Variants in TRAPPC10 observed in about 807,000 individuals in gnomAD.
TRAPPC10 encodes the protein TRAPP 130 kDa subunit.
A neutral mutation model predicts 125.5 loss-of-function variants in TRAPPC10; 23 were observed. The observed-to-expected ratio is 0.18, with a 90% CI of 0.13 to 0.26. The LOEUF is 0.26. TRAPPC10 is among the 10% of genes least tolerant of loss of function. TRAPPC10 has a pLI of 1.00. For missense variants in TRAPPC10, 1,123 were observed against 1,308.4 expected, an observed-to-expected ratio of 0.86 and a Z score of 2.19; for synonymous variants, 509 against 518.0, an observed-to-expected ratio of 0.98 and a Z score of 0.24.
chr21:44,087,619 TG>T lies in TRAPPC10; in HGVS notation c.2540-77del. The T allele has an allele frequency of 7.6e-7, 1 of 1,315,494 alleles. No homozygotes were observed. The highest frequency in any genetic ancestry group is 1.1e-6 in the Non-Finnish European group (1 of 927,236). 81.5% of individuals were successfully genotyped at this position (1,315,494 alleles called of 1,614,324 possible). A position where few individuals can be genotyped will look rare whatever the true frequency, so the allele number is the denominator to read the frequency against. On this transcript the variant is annotated intron_variant, in intron 16 of 22. Transcript: ENST00000291574. The surrounding 1 kb of genome is among the most constrained non-coding windows in gnomAD (Gnocchi z 4.6). ...AGAGGTTGAGCAGTGGCCTCACTGCTGGGCCATCACCTGCTGTAAGGAAAAG... is the reference window on the plus strand; with the variant it reads ...AGAGGTTGAGCAGTGGCCTCACTGCTGGCCATCACCTGCTGTAAGGAAAAG...
At chr21:44,070,327 A>G (rs2036774783) in intron 7 of TRAPPC10, among the ~76,000 whole-genome samples, 1 of 152,276 alleles carries the variant, frequency 6.6e-6, no homozygotes, top group African/African-American at 2.4e-5. Context: ...ATATAAATTA[A>G]GAATTTGTTT....
chr21:44,066,267 C>G (rs1172584470), intron 7 of TRAPPC10, among the ~76,000 whole-genome samples: 1 of 152,172 alleles, frequency 6.6e-6, no homozygotes, highest in African/African-American at 2.4e-5. Flanking sequence ...GAAACTAGCC[C>G]TGCTCTGTAG....
intron 17 of TRAPPC10, 124 bp downstream of exon 17, chr21:44,088,052 A>T (rs2038270826): frequency 2.4e-6 from 2 of 832,266 alleles, no homozygotes; most frequent in African/African-American, 1.7e-5. Flanking sequence ...TGCCCTGGGC[A>T]TGTGTTTAGC....
At chr21:44,014,815 G>T (rs566606948) in intron 1 of TRAPPC10, among the ~76,000 whole-genome samples, 1 of 152,266 alleles carries the variant, frequency 6.6e-6, no homozygotes, top group African/African-American at 2.4e-5. Context: ...TCTCAGAAGA[G>T]AAGGGGGCTT....
At chr21:44,055,203 T>G (rs1301230584) in intron 4 of TRAPPC10, among the ~76,000 whole-genome samples, 5 of 152,192 alleles carry the variant, frequency 3.3e-5, no homozygotes, top group Non-Finnish European at 5.9e-5. Context: ...TTTGAATTTC[T>G]GTAGAACTTA....
At position 44,063,838 on chromosome 21, in the gene TRAPPC10, T is replaced by C. The variant is rs2036231741; in HGVS notation, c.1038+53T>C. 3 of 1,570,314 alleles carry C rather than the reference T, an allele frequency of 1.9e-6. No individual in the cohort carries two copies. The highest frequency in any genetic ancestry group is 2.6e-6 in the Non-Finnish European group (3 of 1,159,534). ...CGTTTCTTGATTGTTCCAGCAGAAA[T>C]CTCTGAACCTTGAGATCCCAGGCAT... is the stretch of plus-strand genomic sequence containing the variant. On this transcript the variant is annotated intron_variant, in intron 7 of 22. Coordinates refer to ENST00000291574, the MANE Select transcript of TRAPPC10 (RefSeq NM_003274.5). This position sits in a 1 kb window ranked among gnomAD's most constrained non-coding sequence, Gnocchi z 4.4.
intron 19 of TRAPPC10, among the ~76,000 whole-genome samples, chr21:44,093,531 G>A (rs2038725845): frequency 6.6e-6 from 1 of 152,122 alleles, no homozygotes; most frequent in Admixed American, 6.5e-5. Context: ...GCCGAGGCAG[G>A]TGGATTGCCT....
chr21:44,035,484 T>C (rs548366752), intron 2 of TRAPPC10, among the ~76,000 whole-genome samples: 7 of 152,334 alleles, frequency 4.6e-5, no homozygotes, highest in South Asian at 2.1e-4. Flanking sequence ...TTTTCAGTAC[T>C]CTTTGTATTG....
rs1025740668 is a variant in TRAPPC10, at chr21:44,063,505, A to C, written c.791-33A>C. 1.9e-6 allele frequency: 3 copies of C among 1,608,146 alleles called. No homozygotes were observed. In the African/African-American group the frequency reaches 4.0e-5, roughly 21 times the overall value. On this transcript the variant is annotated intron_variant, in intron 6 of 22. Coordinates refer to ENST00000291574, the MANE Select transcript of TRAPPC10 (RefSeq NM_003274.5). This position sits in a 1 kb window ranked among gnomAD's most constrained non-coding sequence, Gnocchi z 4.4. ...AAGCTCAGGAAGGTGAAGTACCTGCAATCAGCACCTTTCATGATGTGTGTT... is the reference window on the plus strand; with the variant it reads ...AAGCTCAGGAAGGTGAAGTACCTGCCATCAGCACCTTTCATGATGTGTGTT...
rs769833237 is a variant in TRAPPC10 at position 44,091,964 on chromosome 21, A to G, written c.2912A>G (p.Asp971Gly). The G allele has an allele frequency of 6.8e-6, 11 of 1,614,134 alleles. No individual in the cohort carries two copies. The South Asian group carries it at 1.2e-4, about 18-fold the overall frequency. The change falls in exon 19 of 23, where the codon GAC becomes GGC. Residue 971 changes from aspartate (D) to glycine (G), a missense_variant. Around this residue, in one of 4 missense-constraint regions of TRAPPC10, gnomAD observed 840 missense variants for 902.0 expected, o/e 0.93. Coordinates refer to ENST00000291574, the MANE Select transcript of TRAPPC10 (RefSeq NM_003274.5). Reference protein sequence around the residue: ...QVCVQNLSELDFQLSDSYLVD... With the variant: ...QVCVQNLSELGFQLSDSYLVD... ...TGTGTCCAGAATTTGTCAGAACTTG[A>G]CTTTCAGCTGTCAGATAGTTATCTT...
chr21:44,024,754 A>G (rs1179005205), intron 1 of TRAPPC10, among the ~76,000 whole-genome samples: 1 of 152,214 alleles, frequency 6.6e-6, no homozygotes, highest in African/African-American at 2.4e-5. Flanking sequence ...ACTATATAAA[A>G]TATTTACTTC....
intron 10 of TRAPPC10, among the ~76,000 whole-genome samples, chr21:44,077,174 TG>T (rs1455533033): frequency 2.0e-5 from 3 of 152,218 alleles, no homozygotes; most frequent in African/African-American, 7.2e-5. Flanking sequence ...TGGATGAGTT[TG>T]TGGGTTTCTT....
chr21:44,094,316 A>G, intron 20 of TRAPPC10, 83 bp downstream of exon 20: 1 of 1,297,094 alleles, frequency 7.7e-7, no homozygotes, highest in East Asian at 2.3e-5. Context: ...AGAACTGAAT[A>G]GACAGCTTCT....
At chr21:44,053,836 C>T (rs755103397) in intron 4 of TRAPPC10, among the ~76,000 whole-genome samples, 2 of 152,092 alleles carry the variant, frequency 1.3e-5, no homozygotes, top group South Asian at 2.1e-4. Context: ...TGACTTCATT[C>T]GTTGTTTTGG....
At chr21:44,084,545 G>T (rs1330580796) in intron 15 of TRAPPC10, among the ~76,000 whole-genome samples, 1 of 152,138 alleles carries the variant, frequency 6.6e-6, no homozygotes, top group African/African-American at 2.4e-5. Context: ...GAAACTCAAG[G>T]TATTTTTTTC....
intron 3 of TRAPPC10, among the ~76,000 whole-genome samples, chr21:44,044,286 C>CT (rs11423988): frequency 1 from 150,784 of 150,810 alleles, 75,379 homozygotes; most frequent in Middle Eastern, 1. Context: ...TTGAATGAGA[C>CT]TTTTTTCCTT....
In TRAPPC10 at chr21:44,087,850, G is replaced by C. The variant is rs142950110; in HGVS notation, c.2691G>C (p.Met897Ile). The C allele has an allele frequency of 8.1e-4, 1,308 of 1,614,248 alleles. 2 individuals are homozygous for C. The highest frequency in any genetic ancestry group is 1.1e-3 in the Non-Finnish European group (1,241 of 1,180,034). Residue 897 changes from methionine (M) to isoleucine (I), a missense_variant, in exon 17 of 23, where the codon ATG becomes ATC. Around this residue, in one of 4 missense-constraint regions of TRAPPC10, gnomAD observed 840 missense variants for 902.0 expected, o/e 0.93. Transcript: ENST00000291574. This position sits in a 1 kb window ranked among gnomAD's most constrained non-coding sequence, Gnocchi z 4.6. ...CAGCACTCGGAGGGGAGAGTGACAT[G>C]CTGGGGATGGCAGAGCCCCACAGGA... ...SAPALGGESD[M>I]LGMAEPHRKH...
Position 44,092,066 on chromosome 21 carries a change from C to G in TRAPPC10, c.2997+17C>G, listed in dbSNP as rs1229005119. ...TCCCAGCAGGTAAACATTGTGTAGA[C>G]CTGAGCATAAACTTCTCAACAGAGA... On this transcript the variant is annotated intron_variant, in intron 19 of 22. Coordinates refer to ENST00000291574, the MANE Select transcript of TRAPPC10 (RefSeq NM_003274.5). The G allele has an allele frequency of 6.2e-7, 1 of 1,612,516 alleles. No individual in the cohort carries two copies. The highest frequency in any genetic ancestry group is 2.2e-5 in the East Asian group (1 of 44,856).
At chr21:44,056,374 G>A (rs982051131) in intron 5 of TRAPPC10, among the ~76,000 whole-genome samples, 1 of 152,108 alleles carries the variant, frequency 6.6e-6, no homozygotes, top group Non-Finnish European at 1.5e-5. Flanking sequence ...TGTCCGGGGT[G>A]GTGGGCAAAG....
Sources: gnomAD v4.1 joint callset for allele counts (sites outside exome capture counted in the v4.1 genomes callset) on GRCh38, gnomAD v4.1.1 for gene constraint, gnomAD v4.1.1 regional missense constraint, Gnocchi (gnomAD v3.1) non-coding constraint, MANE v1.5 for transcripts, NCBI Gene and HGNC (gene_info 2026-07-23, HGNC 2026-07-21) for gene names.